The following ABCA12 variants were observed in gnomAD, a reference collection of about 807,000 sequenced individuals.
ABCA12 encodes the protein ATP binding cassette subfamily A member 12, also known as glucosylceramide transporter ABCA12.
In ABCA12, 156 loss-of-function variants were observed where a neutral mutation model predicts 293.5. The ratio of observed to expected loss-of-function variants is 0.53; its 90% confidence interval spans 0.47 to 0.61. The LOEUF (loss-of-function observed/expected upper bound fraction) is 0.61. Among genes scored for constraint, ABCA12 ranks in the 20% least tolerant of loss-of-function variants. The pLI is 0.00. For missense variants in ABCA12, 2,797 were observed against 3,090.2 expected (o/e 0.91, Z 2.25); for synonymous variants, 1,063 against 1,108.0 (o/e 0.96, Z 0.81).
intron 1 of ABCA12, among the ~76,000 whole-genome samples, chr2:215,134,648 G>GAC (rs1703170991): frequency 1.4e-5 from 1 of 73,740 alleles, no homozygotes; most frequent in African/African-American, 1.7e-4. Flanking sequence ...GAGACAAACA[G>GAC]AGAGAGAGAG....
chr2:215,116,637 T>C (rs1702692340), intron 1 of ABCA12, among the ~76,000 whole-genome samples: 2 of 152,078 alleles, frequency 1.3e-5, no homozygotes, highest in African/African-American at 2.4e-5. Context: ...AACAAACACA[T>C]AGGTAAACAT....
At chr2:214,959,200 G>GA (rs1699043009) in intron 39 of ABCA12, 122 bp from the exon 40 acceptor site, 1 of 896,412 alleles carries the variant, frequency 1.1e-6, no homozygotes, top group Middle Eastern at 2.6e-4. Context: ...TTATTTGGGG[G>GA]ACCTTTTTTT....
intron 11 of ABCA12, chr2:215,023,827 T>C (rs191603383): frequency 2.0e-5 from 3 of 152,340 alleles, no homozygotes; most frequent in Admixed American, 2.0e-4. Context: ...AGGCCAGATA[T>C]CTCACTGTCA....
Position 215,109,010 on chromosome 2 carries a change from C to T in ABCA12, c.163+2587G>A, listed in dbSNP as rs1190569304. Reference sequence around the variant, plus strand: ...TGAACCCAGGAGGCAGAGGTGGCAGCGAGCCGAGATCGCACCACTGTACTC... The same window carrying T: ...TGAACCCAGGAGGCAGAGGTGGCAGTGAGCCGAGATCGCACCACTGTACTC... On this transcript the variant is annotated intron_variant, in intron 2 of 52. Coordinates refer to ENST00000272895, the MANE Select transcript of ABCA12 (RefSeq NM_173076.3). Among the ~76,000 whole-genome samples the T allele has an allele frequency of 1.6e-4, 24 of 151,170 alleles. No homozygotes were observed. In the East Asian group the frequency reaches 1.8e-3, roughly 11 times the overall value.
At position 215,082,824 on chromosome 2, in the gene ABCA12, C is replaced by T. The variant is rs75631991; in HGVS notation, c.164-18605G>A. ...TCCTTTTCAATTACTGTAATAATAA[C>T]ATATGTAACAGAATGTGTTTTAATG... On this transcript the variant is annotated intron_variant, in intron 2 of 52. Transcript: ENST00000272895. The T allele has an allele frequency of 2.0e-5, 3 of 152,326 alleles. No homozygotes were observed. The East Asian group carries it at 5.8e-4, about 29-fold the overall frequency. 9.4% of individuals were successfully genotyped at this position (152,326 alleles called of 1,614,324 possible). A position where few individuals can be genotyped will look rare whatever the true frequency, so the allele number is the denominator to read the frequency against.
At chr2:214,949,226 C>A (rs1329539121) in intron 45 of ABCA12, 77 bp from the exon 46 acceptor site, 8 of 985,392 alleles carry the variant, frequency 8.1e-6, no homozygotes, top group Non-Finnish European at 1.3e-5. Flanking sequence ...TCTCCCTCTT[C>A]TCCCTGGGTG....
intron 16 of ABCA12, 55 bp downstream of exon 16, chr2:215,011,916 C>T: frequency 4.2e-6 from 6 of 1,441,988 alleles, no homozygotes; most frequent in South Asian, 1.1e-5. Flanking sequence ...ATTATAACTA[C>T]TCAATATGAC....
chr2:215,112,486 GTT>G (rs112479616), intron 1 of ABCA12, among the ~76,000 whole-genome samples: 7 of 107,598 alleles, frequency 6.5e-5, no homozygotes, highest in East Asian at 2.4e-4. Context: ...GGTTTTTTTT[GTT>G]TTTTTTTTGT....
At chr2:215,089,631 T>C (rs905620382) in intron 2 of ABCA12, among the ~76,000 whole-genome samples, 1 of 152,178 alleles carries the variant, frequency 6.6e-6, no homozygotes, top group Non-Finnish European at 1.5e-5. Flanking sequence ...TCGCTAAAGA[T>C]TTTAGGACTA....
chr2:214,976,012 C>G lies in ABCA12; in HGVS notation c.5154G>C (p.Arg1718Ser). Residue 1718 changes from arginine (R) to serine (S), a missense_variant, in exon 34 of 53, where the codon AGG (arginine) becomes AGC (serine). Arg to Ser is a moderately radical substitution (Grantham distance 110, BLOSUM62 -1). Around this residue, in one of 3 missense-constraint regions of ABCA12, gnomAD observed 2,130 missense variants for 2,427.0 expected, o/e 0.88. Transcript: ENST00000272895. ...RDDKILTRGE[R>S]LDGFGLLLKK... Reference sequence around the variant, plus strand: ...TCAGCAACAGTCCAAAGCCATCCAGCCTCTCTCCTCTTGTCAGGATTTTGT... The same window carrying G: ...TCAGCAACAGTCCAAAGCCATCCAGGCTCTCTCCTCTTGTCAGGATTTTGT... 1.2e-6 allele frequency: 2 copies of G among 1,614,004 alleles called. No homozygotes were observed. The highest frequency in any genetic ancestry group is 1.7e-6 in the Non-Finnish European group (2 of 1,179,962).
chr2:215,013,328 G>A (rs1317621651), intron 15 of ABCA12: 1 of 152,240 alleles, frequency 6.6e-6, no homozygotes, highest in African/African-American at 2.4e-5. Flanking sequence ...CATAGGCAGA[G>A]GGGCAAAGCT....
intron 1 of ABCA12, among the ~76,000 whole-genome samples, chr2:215,135,458 G>T (rs73076549): frequency 0.048 from 7,270 of 152,180 alleles, 568 homozygotes; most frequent in African/African-American, 0.17. Context: ...ATTAGGCAAA[G>T]TTGTCATGGT....
chr2:214,933,684 A>G (rs7578759), intron 52 of ABCA12, among the ~76,000 whole-genome samples: 75,416 of 151,972 alleles, frequency 0.5, 19,827 homozygotes, highest in African/African-American at 0.68. Flanking sequence ...TAAAGGTCTG[A>G]CACCAAATTC....
chr2:215,040,565 T>C (rs1701077795), intron 7 of ABCA12, among the ~76,000 whole-genome samples: 2 of 152,186 alleles, frequency 1.3e-5, no homozygotes, highest in African/African-American at 2.4e-5. Context: ...TCCCAGCACT[T>C]TGGGAGGCCA....
rs572519794 is a variant in ABCA12 at position 214,935,910 on chromosome 2, A to C, written c.7542+1600T>G. On this transcript the variant is annotated intron_variant, in intron 51 of 52. Coordinates refer to ENST00000272895, the MANE Select transcript of ABCA12 (RefSeq NM_173076.3). ...GGTATTTTATGAAGATAAAATAATT[A>C]TTTTTAAAATGCAGTTTATTTTCTC... 1.2e-3 allele frequency among the ~76,000 whole-genome samples: 188 copies of C among 152,328 alleles called. 2 individuals are homozygous for C. Among genetic ancestry groups the C allele is most frequent in the African/African-American group, 4.4e-3 (184 of 41,578 alleles).
At chr2:214,937,182 G>GT (rs1698246058) in intron 51 of ABCA12, among the ~76,000 whole-genome samples, 1 of 151,846 alleles carries the variant, frequency 6.6e-6, no homozygotes, top group Non-Finnish European at 1.5e-5. Context: ...TACATTGTTG[G>GT]TTTTTTGTTT....
rs557272834 is a variant in ABCA12 at position 215,093,892 on chromosome 2, A to G, written c.163+17705T>C. ...CTCTGATCCACCTGGCATTCAATCCATTTGCCCAAATTTTCTTCTTTCCTG... is the reference window on the plus strand; with the variant it reads ...CTCTGATCCACCTGGCATTCAATCCGTTTGCCCAAATTTTCTTCTTTCCTG... On this transcript the variant is annotated intron_variant, in intron 2 of 52. Coordinates refer to ENST00000272895, the MANE Select transcript of ABCA12 (RefSeq NM_173076.3). 3.4e-4 allele frequency among the ~76,000 whole-genome samples: 52 copies of G among 152,044 alleles called. 1 individual carries two copies. Among genetic ancestry groups the G allele is most frequent in the African/African-American group, 1.2e-3 (50 of 41,484 alleles).
At chr2:215,104,757 T>C (rs1456063813) in intron 2 of ABCA12, among the ~76,000 whole-genome samples, 1 of 152,234 alleles carries the variant, frequency 6.6e-6, no homozygotes, top group Non-Finnish European at 1.5e-5. Flanking sequence ...AGGCTGTTAA[T>C]GCTCCTACAC....
intron 49 of ABCA12, among the ~76,000 whole-genome samples, chr2:214,943,225 C>A (rs1288319363): frequency 2.6e-5 from 4 of 152,110 alleles, no homozygotes; most frequent in African/African-American, 7.2e-5. Flanking sequence ...GTAGCCTTGA[C>A]CTCCTTTGCT....
Sources: allele counts gnomAD v4.1 joint callset (sites outside exome capture counted in the v4.1 genomes callset), GRCh38; gene constraint gnomAD v4.1.1; regional missense constraint gnomAD v4.1.1; transcripts MANE v1.5; gene names NCBI Gene and HGNC (gene_info 2026-07-23, HGNC 2026-07-21).